RELN: variants seen among roughly 807,000 people sequenced by gnomAD.
The protein encoded by RELN is reelin.
In RELN, 108 loss-of-function variants were observed where a neutral mutation model predicts 427.6. The ratio of observed to expected loss-of-function variants is 0.25; its 90% CI spans 0.22 to 0.30. The LOEUF (loss-of-function observed/expected upper bound fraction) is 0.30. Ranked by LOEUF, RELN falls within the 10% of genes least tolerant of loss-of-function variation. The pLI, the probability that RELN is intolerant of heterozygous loss-of-function variation, is 1.00. For missense variants in RELN, 3,715 were observed against 4,302.8 expected, an observed-to-expected ratio of 0.86 and a Z score of 3.82; for synonymous variants, 1,524 against 1,513.4, an observed-to-expected ratio of 1.01 and a Z score of -0.16.
chr7:103,523,965 CTG>C (rs1829766063), intron 46 of RELN, among the ~76,000 whole-genome samples: 1 of 152,218 alleles, frequency 6.6e-6, no homozygotes. Context: ...GCATGAGCCA[CTG>C]TGCCTGGCTG....
chr7:103,475,565 A>T (rs982273420), intron 64 of RELN, among the ~76,000 whole-genome samples: 1 of 152,260 alleles, frequency 6.6e-6, no homozygotes, highest in Non-Finnish European at 1.5e-5. Flanking sequence ...AATATTTTAC[A>T]TAAAAAAAGA....
chr7:103,527,568 T>C (rs2117102660), intron 46 of RELN, among the ~76,000 whole-genome samples: 1 of 152,352 alleles, frequency 6.6e-6, no homozygotes, highest in Non-Finnish European at 1.5e-5. Context: ...CTGTATGTGT[T>C]GCAGCTATAT....
intron 16 of RELN, among the ~76,000 whole-genome samples, chr7:103,644,285 A>C (rs1218621830): frequency 1.3e-5 from 2 of 151,858 alleles, no homozygotes; most frequent in Non-Finnish European, 2.9e-5. Context: ...CAGATAAAGA[A>C]TTCAAAATAT....
chr7:103,668,638 A>AT (rs759799879), intron 11 of RELN, among the ~76,000 whole-genome samples: 2 of 152,242 alleles, frequency 1.3e-5, no homozygotes, highest in Non-Finnish European at 2.9e-5. Flanking sequence ...TTTTAAAAAA[A>AT]TTTTAACAGA....
At chr7:103,980,546 G>A (rs1289004963) in intron 1 of RELN, among the ~76,000 whole-genome samples, 2 of 151,968 alleles carry the variant, frequency 1.3e-5, no homozygotes, top group Non-Finnish European at 2.9e-5. Flanking sequence ...AAAAATAAAT[G>A]CGTACTATCT....
intron 11 of RELN, among the ~76,000 whole-genome samples, chr7:103,674,910 A>G (rs572489754): frequency 6.6e-6 from 1 of 152,334 alleles, no homozygotes; most frequent in East Asian, 1.9e-4. Context: ...TCTATTTATG[A>G]CAAACCCACA....
chr7:103,946,163 A>G (rs1039941807), intron 1 of RELN, among the ~76,000 whole-genome samples: 1 of 152,194 alleles, frequency 6.6e-6, no homozygotes, highest in Admixed American at 6.5e-5. Context: ...GTGCTGAATA[A>G]TATCTACTTA....
chr7:103,775,128 G>A (rs73412866), intron 4 of RELN, among the ~76,000 whole-genome samples: 162 of 152,160 alleles, frequency 1.1e-3, no homozygotes, highest in African/African-American at 3.6e-3. Context: ...TTCTTTTTCT[G>A]ACACTATAAA....
chr7:103,866,651 C>A (rs1298822150), intron 2 of RELN, among the ~76,000 whole-genome samples: 1 of 151,880 alleles, frequency 6.6e-6, no homozygotes, highest in Non-Finnish European at 1.5e-5. Context: ...GCATCCCTAT[C>A]AGAAAGATTT....
rs190468889 is a variant in RELN, at chr7:103,980,800, G to A, written c.226+8331C>T. On this transcript the variant is annotated intron_variant, in intron 1 of 64. Coordinates refer to ENST00000428762, the MANE Select transcript of RELN (RefSeq NM_005045.4). ...AATTCATTCATTCAGGAGTCTTTGA[G>A]TTGCCTTTTTTTTCAGGTAATATTA... Among the ~76,000 whole-genome samples, 436 of 152,172 alleles carry A rather than the reference G, an allele frequency of 2.9e-3. 1 individual carries two copies. The highest frequency in any genetic ancestry group is 0.01 in the African/African-American group (419 of 41,452).
chr7:103,820,436 C>T (rs563057241), intron 3 of RELN, among the ~76,000 whole-genome samples: 13 of 151,702 alleles, frequency 8.6e-5, no homozygotes, highest in Non-Finnish European at 1.8e-4. Context: ...TTCAATAATC[C>T]TCCATCTTCT....
At chr7:103,658,432 G>T (rs1833068499) in intron 12 of RELN, among the ~76,000 whole-genome samples, 1 of 152,060 alleles carries the variant, frequency 6.6e-6, no homozygotes, top group African/African-American at 2.4e-5. Context: ...CATCAGCCAA[G>T]AAAGTTTTAA....
intron 1 of RELN, among the ~76,000 whole-genome samples, chr7:103,962,296 G>C (rs998162676): frequency 3.3e-5 from 5 of 151,996 alleles, no homozygotes; most frequent in Non-Finnish European, 1.5e-5. Context: ...CTCTCTCATG[G>C]AACACATTCC....
intron 2 of RELN, among the ~76,000 whole-genome samples, chr7:103,838,997 T>C (rs1325188437): frequency 6.6e-6 from 1 of 152,248 alleles, no homozygotes; most frequent in African/African-American, 2.4e-5. Flanking sequence ...TTAACTGTTT[T>C]GAAGTATGGT....
At chr7:103,558,335 T>TA (rs1209613647) in intron 36 of RELN, among the ~76,000 whole-genome samples, 4 of 152,188 alleles carry the variant, frequency 2.6e-5, no homozygotes, top group Non-Finnish European at 5.9e-5. Context: ...ATTACATATC[T>TA]ACAGGCCTTT....
In RELN at chr7:103,630,076, T is replaced by C. The variant is rs371309082; in HGVS notation, c.2566A>G (p.Ile856Val). 49 of 1,613,160 alleles carry C rather than the reference T, an allele frequency of 3.0e-5. No homozygotes were observed. The highest frequency in any genetic ancestry group is 3.5e-5 in the Non-Finnish European group (41 of 1,179,308). The stretch of plus-strand genomic sequence containing the variant: ...ACAGATGTCATGATAATCTCATCAA[T>C]AGCCCATACATCTTCTCTCTGGGAA... ...HSSQREDVWAIDEIIMTSVLF... is the reference protein window; with the variant it reads ...HSSQREDVWAVDEIIMTSVLF... The change falls in exon 20 of 65, where the codon ATT (isoleucine) becomes GTT (valine). Residue 856 changes from isoleucine (I) to valine (V), a missense_variant. Physicochemically the swap from Ile to Val is conservative, Grantham distance 29. This residue lies in a region of RELN where 2,208 missense variants were observed against 2,361.7 expected (regional missense o/e 0.93). Transcript: ENST00000428762.
rs138446491 is a variant in RELN at position 103,774,638 on chromosome 7, G to A, written c.544+1919C>T. Among the ~76,000 whole-genome samples the A allele has an allele frequency of 6.5e-3, 990 of 152,222 alleles. 8 individuals are homozygous for A. Among genetic ancestry groups the A allele is most frequent in the Non-Finnish European group, 0.01 (697 of 67,992 alleles). On this transcript the variant is annotated intron_variant, in intron 4 of 64. Coordinates refer to ENST00000428762, the MANE Select transcript of RELN (RefSeq NM_005045.4). The stretch of plus-strand genomic sequence containing the variant: ...ATAAAAAATGATTACATGATAAAAT[G>A]TTATTTTATTTGAGGAGACAATTAC...
At chr7:103,618,620 C>G (rs1832139784) in intron 20 of RELN, among the ~76,000 whole-genome samples, 1 of 152,104 alleles carries the variant, frequency 6.6e-6, no homozygotes, top group Non-Finnish European at 1.5e-5. Context: ...GTTCTTAGCA[C>G]CTGTGTCGTT....
At chr7:103,536,273 T>C (rs1830048999) in intron 45 of RELN, among the ~76,000 whole-genome samples, 2 of 152,202 alleles carry the variant, frequency 1.3e-5, no homozygotes, top group Non-Finnish European at 2.9e-5. Context: ...ATTTATTTCT[T>C]TCCTTTTCTT....
Sources: allele counts gnomAD v4.1 joint callset (sites outside exome capture counted in the v4.1 genomes callset), GRCh38; gene constraint gnomAD v4.1.1; regional missense constraint gnomAD v4.1.1; transcripts MANE v1.5; gene names NCBI Gene and HGNC (gene_info 2026-07-23, HGNC 2026-07-21).